The following IWS1 variants were observed in gnomAD, a reference collection of about 807,000 sequenced individuals.
The protein encoded by IWS1 is protein IWS1 homolog.
In IWS1, 27 loss-of-function variants were observed where a neutral mutation model predicts 86.7. That is an observed-to-expected ratio of 0.31 (90% CI 0.23 to 0.43). IWS1 has a LOEUF of 0.43. Ranked by LOEUF, IWS1 falls within the 20% of genes least tolerant of loss-of-function variation. IWS1 has a pLI of 1.00. For missense variants in IWS1, 827 were observed against 1,000.8 expected, an observed-to-expected ratio of 0.83 and a Z score of 2.34; for synonymous variants, 313 against 335.1, an observed-to-expected ratio of 0.93 and a Z score of 0.72.
At chr2:127,496,550 T>TACACACACATACAC (rs1690522175) in intron 6 of IWS1, among the ~76,000 whole-genome samples, 1 of 140,330 alleles carries the variant, frequency 7.1e-6, no homozygotes. Context: ...TATTTTATCA[T>TACACACACATACAC]ACACACACAC....
intron 1 of IWS1, among the ~76,000 whole-genome samples, chr2:127,524,488 A>G (rs969619697): frequency 6.6e-6 from 1 of 152,098 alleles, no homozygotes; most frequent in Admixed American, 6.5e-5. Context: ...ATACTTTAAA[A>G]AATACAGAGT....
At chr2:127,484,403 A>G (rs192870602) in intron 13 of IWS1, 1 of 152,354 alleles carries the variant, frequency 6.6e-6, no homozygotes, top group African/African-American at 2.4e-5. Flanking sequence ...ACTTAAGACA[A>G]AAAGTGTTTC....
At position 127,486,630 on chromosome 2, in the gene IWS1, G is replaced by A; in HGVS notation, c.2251C>T (p.Arg751Cys). The A allele has an allele frequency of 2.5e-6, 4 of 1,614,066 alleles. No individual in the cohort carries two copies. Among genetic ancestry groups the A allele is most frequent in the Non-Finnish European group, 3.4e-6 (4 of 1,179,940 alleles). ...TTTGAAGGCATTGGGACCCTTGCACGGGCACAGAATCCAGGATCTCCAGGT... is the reference window on the plus strand; with the variant it reads ...TTTGAAGGCATTGGGACCCTTGCACAGGCACAGAATCCAGGATCTCCAGGT... ...LRPGDPGFCA[R>C]ARVPMPSNKD... is the part of the protein sequence containing the mutation. The change falls in exon 13 of 14, where the codon CGT (arginine) becomes TGT (cysteine). Residue 751 changes from arginine to cysteine, a missense_variant. Physicochemically the swap from Arg to Cys is radical, Grantham distance 180. Coordinates refer to ENST00000295321, the MANE Select transcript of IWS1 (RefSeq NM_017969.3).
chr2:127,510,444 T>A (rs2104717155), intron 2 of IWS1, among the ~76,000 whole-genome samples: 1 of 152,252 alleles, frequency 6.6e-6, no homozygotes, highest in South Asian at 2.1e-4. Context: ...GCACTCCTGA[T>A]GAATACCAGA....
At chr2:127,496,296 A>G (rs982289540) in intron 6 of IWS1, 148 bp from the exon 7 acceptor site, 3 of 871,380 alleles carry the variant, frequency 3.4e-6, no homozygotes, top group South Asian at 3.7e-5. Flanking sequence ...CATGCGCCGC[A>G]TAACGATGTT....
At chr2:127,491,329 T>C (rs1008574085) in intron 10 of IWS1, among the ~76,000 whole-genome samples, 5 of 152,186 alleles carry the variant, frequency 3.3e-5, no homozygotes, top group African/African-American at 1.2e-4. Context: ...TGCAGTAAGG[T>C]AGGTGGTGGA....
In IWS1 at chr2:127,489,280, AATAACTC is replaced by A. The variant is rs1690089351; in HGVS notation, c.2160-52_2160-46del. On this transcript the variant is annotated intron_variant, in intron 11 of 13. Transcript: ENST00000295321. The surrounding 1 kb of genome is among the most constrained non-coding windows in gnomAD (Gnocchi z 4.8). The stretch of plus-strand genomic sequence containing the variant: ...GGAGATACCAGGAATATTAGAACCT[AATAACTC>A]AGAAAAAGAGCAAACTAAAAATCAA... The A allele has an allele frequency of 7.1e-7, 1 of 1,407,874 alleles. No individual in the cohort carries two copies. The highest frequency in any genetic ancestry group is 1.4e-5 in the African/African-American group (1 of 69,822). The allele number at this position is 1,407,874 out of a possible 1,614,324, so 87.2% of individuals were successfully genotyped here. A position where few individuals can be genotyped will look rare whatever the true frequency, so the allele number is the denominator to read the frequency against.
chr2:127,526,909 T>G, upstream of IWS1: 1 of 314,080 alleles, frequency 3.2e-6, no homozygotes, highest in South Asian at 2.5e-5. Context: ...CTGTGATGCG[T>G]TACTAACTGG....
chr2:127,507,425 A>C (rs1691204203), intron 2 of IWS1, among the ~76,000 whole-genome samples: 1 of 152,190 alleles, frequency 6.6e-6, no homozygotes, highest in South Asian at 2.1e-4. Context: ...ACTTTTCAAA[A>C]TTCCTAAATA....
chr2:127,510,135 A>G (rs1383786324), intron 2 of IWS1, among the ~76,000 whole-genome samples: 3 of 152,210 alleles, frequency 2.0e-5, no homozygotes, highest in African/African-American at 2.4e-5. Flanking sequence ...CCATGAGGAA[A>G]TATCTATAGG....
intron 12 of IWS1, among the ~76,000 whole-genome samples, chr2:127,486,940 C>T (rs377367654): frequency 3.9e-4 from 59 of 152,302 alleles, no homozygotes; most frequent in African/African-American, 1.4e-3. Context: ...TTCAGATATA[C>T]TCATGCCCCT....
chr2:127,492,925 G>A (rs1320000333), intron 9 of IWS1: 1 of 160,474 alleles, frequency 6.2e-6, no homozygotes, highest in Non-Finnish European at 1.4e-5. Flanking sequence ...TACCCAAGGT[G>A]TCACAACTAC....
At chr2:127,491,916 T>G (rs912094097) in intron 10 of IWS1, 55 bp downstream of exon 10, 160 of 1,010,258 alleles carry the variant, frequency 1.6e-4, no homozygotes, top group Non-Finnish European at 2.4e-4. Context: ...TATATACGCA[T>G]CTCTCTCTTA....
chr2:127,505,802 C>CATTAATAATA lies in IWS1; in HGVS notation c.151-60_151-51dup. ...TAGGAAAGTGCAAAAAAAAAAAAACCATTAATAATAAAACATTAAATTTTT... is the reference window on the plus strand; with the variant it reads ...TAGGAAAGTGCAAAAAAAAAAAAACCATTAATAATAATTAATAATAAAACATTAAATTTTT... On this transcript the variant is annotated intron_variant, in intron 2 of 13. Coordinates refer to ENST00000295321, the MANE Select transcript of IWS1 (RefSeq NM_017969.3). This position sits in a 1 kb window ranked among gnomAD's most constrained non-coding sequence, Gnocchi z 5.0. 8.9e-7 allele frequency: 1 copy of CATTAATAATA among 1,120,696 alleles called. No homozygotes were observed. The highest frequency in any genetic ancestry group is 1.3e-6 in the Non-Finnish European group (1 of 793,298). The allele number at this position is 1,120,696 out of a possible 1,614,324, so 69.4% of individuals were successfully genotyped here.
chr2:127,526,460 A>G lies in IWS1; in HGVS notation c.-252T>C, dbSNP rs757941640. ...CATGCGAGCCGGCGTTCTACTTCCT[A>G]GAAGCACCGCTGGGGCCAAAATGGC... On this transcript the variant is annotated 5_prime_UTR_variant, in exon 1 of 14. Coordinates refer to ENST00000295321, the MANE Select transcript of IWS1 (RefSeq NM_017969.3). 1.4e-4 allele frequency: 211 copies of G among 1,532,094 alleles called. No homozygotes were observed. The highest frequency in any genetic ancestry group is 8.5e-4 in the Middle Eastern group (5 of 5,914). 94.9% of individuals were successfully genotyped at this position (1,532,094 alleles called of 1,614,324 possible).
chr2:127,481,232 G>A, intron 13 of IWS1, 57 bp from the exon 14 acceptor site: 2 of 1,500,604 alleles, frequency 1.3e-6, no homozygotes, highest in Non-Finnish European at 1.8e-6. Context: ...GTCTAGTTAT[G>A]TCTTTCATCT....
intron 13 of IWS1, among the ~76,000 whole-genome samples, chr2:127,484,060 T>C (rs1439684935): frequency 1.3e-5 from 2 of 152,124 alleles, no homozygotes; most frequent in Non-Finnish European, 2.9e-5. Flanking sequence ...TCCCAGCACT[T>C]TGGGAGGCCG....
chr2:127,515,268 A>C (rs1442407865), intron 2 of IWS1, among the ~76,000 whole-genome samples: 4 of 152,206 alleles, frequency 2.6e-5, no homozygotes, highest in African/African-American at 9.7e-5. Flanking sequence ...ATGTGTTACT[A>C]GCATTTCATT....
At chr2:127,488,298 A>G (rs1328623464) in intron 12 of IWS1, among the ~76,000 whole-genome samples, 1 of 152,252 alleles carries the variant, frequency 6.6e-6, no homozygotes, top group East Asian at 1.9e-4. Context: ...ATCTCTTTAC[A>G]AGTTCTAGAC....
Sources: allele counts gnomAD v4.1 joint callset (sites outside exome capture counted in the v4.1 genomes callset), GRCh38; gene constraint gnomAD v4.1.1; non-coding constraint Gnocchi (gnomAD v3.1); transcripts MANE v1.5; gene names NCBI Gene and HGNC (gene_info 2026-07-23, HGNC 2026-07-21).